Variants in GRIA1 observed in about 807,000 individuals in gnomAD.
GRIA1 encodes glutamate receptor 1.
Under a neutral mutation model 99.2 loss-of-function variants are expected in GRIA1, and 31 were observed. That is an observed-to-expected ratio of 0.31 (90% confidence interval 0.23 to 0.42). GRIA1 has a LOEUF of 0.42. Among genes scored for constraint, GRIA1 ranks in the 10% least tolerant of loss-of-function variants. The probability of loss-of-function intolerance (pLI) is 1.00; values close to 1 mark genes in which losing one functional copy is unlikely to be tolerated. For synonymous variants in GRIA1, 438 were observed against 432.4 expected, an observed-to-expected ratio of 1.01 and a Z score of -0.16; for missense variants, 782 against 1,157.5, an observed-to-expected ratio of 0.68 and a Z score of 4.71.
chr5:153,585,299 CTTTTTTTTTT>C (rs10586598), intron 2 of GRIA1, among the ~76,000 whole-genome samples: 4 of 70,100 alleles, frequency 5.7e-5, no homozygotes, highest in Non-Finnish European at 7.2e-5. Flanking sequence ...TTCTCTCTCT[CTTTTTTTTTT>C]TTTTTTTTTT....
intron 11 of GRIA1, among the ~76,000 whole-genome samples, chr5:153,746,763 C>T (rs1180267565): frequency 6.6e-6 from 1 of 152,118 alleles, no homozygotes; most frequent in Non-Finnish European, 1.5e-5. Context: ...AGAACTTAAG[C>T]CCAAAAATAC....
At chr5:153,778,136 T>G (rs1764386304) in intron 13 of GRIA1, among the ~76,000 whole-genome samples, 4 of 144,112 alleles carry the variant, frequency 2.8e-5, no homozygotes, top group Non-Finnish European at 3.1e-5. Context: ...GTGAGGGAGG[T>G]TGGGAGGGAG....
intron 13 of GRIA1, among the ~76,000 whole-genome samples, chr5:153,773,057 T>G (rs1763986539): frequency 6.6e-6 from 1 of 152,222 alleles, no homozygotes; most frequent in East Asian, 1.9e-4. Context: ...AACCTAAAAC[T>G]CAGGCCATTT....
intron 13 of GRIA1, among the ~76,000 whole-genome samples, chr5:153,782,747 T>C (rs1049650737): frequency 2.3e-4 from 35 of 152,136 alleles, no homozygotes; most frequent in African/African-American, 8.5e-4. Context: ...AACAGTTCCT[T>C]AACCAGTAGA....
chr5:153,527,471 G>A (rs1290953037), intron 2 of GRIA1, among the ~76,000 whole-genome samples: 1 of 152,180 alleles, frequency 6.6e-6, no homozygotes, highest in African/African-American at 2.4e-5. Flanking sequence ...CACTTGACTG[G>A]ATTAAGGAAT....
chr5:153,793,634 C>T (rs1390178856), intron 13 of GRIA1, among the ~76,000 whole-genome samples: 3 of 152,154 alleles, frequency 2.0e-5, no homozygotes, highest in Non-Finnish European at 4.4e-5. Flanking sequence ...CCTTATAAGT[C>T]ACACTTGAAC....
At chr5:153,662,525 G>T (rs904221557) in intron 5 of GRIA1, among the ~76,000 whole-genome samples, 1 of 152,158 alleles carries the variant, frequency 6.6e-6, no homozygotes, top group Non-Finnish European at 1.5e-5. Context: ...GGCTCGTGAG[G>T]CTGCATCTAC....
At chr5:153,549,452 A>T (rs917436439) in intron 2 of GRIA1, among the ~76,000 whole-genome samples, 3 of 152,190 alleles carry the variant, frequency 2.0e-5, no homozygotes, top group Non-Finnish European at 2.9e-5. Context: ...TGAAAAACTC[A>T]GTACCCACCC....
chr5:153,797,865 A>T (rs1325863896), intron 14 of GRIA1, among the ~76,000 whole-genome samples: 1 of 152,190 alleles, frequency 6.6e-6, no homozygotes. Flanking sequence ...AAGGCTAGGG[A>T]ACTGGCCTAG....
At chr5:153,739,755 A>G (rs1338120655) in intron 11 of GRIA1, among the ~76,000 whole-genome samples, 1 of 152,174 alleles carries the variant, frequency 6.6e-6, no homozygotes, top group African/African-American at 2.4e-5. Flanking sequence ...ACTTAAACCC[A>G]ATCAGTAAGA....
At chr5:153,704,823 T>C (rs547334754) in intron 10 of GRIA1, among the ~76,000 whole-genome samples, 3 of 152,194 alleles carry the variant, frequency 2.0e-5, no homozygotes, top group Non-Finnish European at 2.9e-5. Context: ...TCTGTATATC[T>C]TGGATAACAC....
chr5:153,615,308 C>T (rs1766386532), intron 2 of GRIA1, among the ~76,000 whole-genome samples: 1 of 152,166 alleles, frequency 6.6e-6, no homozygotes, highest in African/African-American at 2.4e-5. Flanking sequence ...TCATGGAGAG[C>T]TCATAATCCA....
At chr5:153,632,281 A>G (rs1753035059) in intron 2 of GRIA1, among the ~76,000 whole-genome samples, 1 of 152,318 alleles carries the variant, frequency 6.6e-6, no homozygotes, top group East Asian at 1.9e-4. Flanking sequence ...GTGAGAATGG[A>G]GATGTAAAGT....
chr5:153,776,464 C>T (rs779564128), intron 13 of GRIA1, among the ~76,000 whole-genome samples: 1 of 152,134 alleles, frequency 6.6e-6, no homozygotes, highest in Non-Finnish European at 1.5e-5. Context: ...GAAATGCCTA[C>T]CTGGTTAAGA....
intron 5 of GRIA1, among the ~76,000 whole-genome samples, chr5:153,660,350 A>G (rs1755274476): frequency 6.6e-6 from 1 of 152,202 alleles, no homozygotes; most frequent in South Asian, 2.1e-4. Context: ...AAACCTTCCC[A>G]ATAGCCCTTG....
chr5:153,685,229 G>T (rs1050382900), intron 7 of GRIA1, among the ~76,000 whole-genome samples: 1 of 152,126 alleles, frequency 6.6e-6, no homozygotes, highest in African/African-American at 2.4e-5. Context: ...AGGGAATGTG[G>T]TTGCTTGTAC....
intron 8 of GRIA1, among the ~76,000 whole-genome samples, chr5:153,694,951 A>C (rs1026488815): frequency 2.3e-4 from 35 of 152,076 alleles, no homozygotes; most frequent in African/African-American, 8.0e-4. Flanking sequence ...GATGGATGAC[A>C]GGGAAGAAAA....
intron 2 of GRIA1, among the ~76,000 whole-genome samples, chr5:153,620,145 A>T (rs1561697648): frequency 6.6e-6 from 1 of 152,144 alleles, no homozygotes; most frequent in Admixed American, 6.6e-5. Flanking sequence ...GAAAAGCATT[A>T]CCCCTCTGTA....
chr5:153,764,712 C>A, intron 12 of GRIA1, 80 bp downstream of exon 12: 4 of 1,011,322 alleles, frequency 4.0e-6, no homozygotes, highest in African/African-American at 1.6e-5. Context: ...CATTATATAG[C>A]CTGAGATAAC....
Sources: allele counts gnomAD v4.1 joint callset (sites outside exome capture counted in the v4.1 genomes callset), GRCh38; gene constraint gnomAD v4.1.1; transcripts MANE v1.5; gene names NCBI Gene and HGNC (gene_info 2026-07-23, HGNC 2026-07-21).